The following DIAPH3 variants were observed in gnomAD, a reference collection of about 807,000 sequenced individuals.
The protein encoded by DIAPH3 is diaphanous related formin 3, also known as protein diaphanous homolog 3.
In DIAPH3, 117 loss-of-function variants were observed where a neutral mutation model predicts 144.3. The ratio of observed to expected loss-of-function variants is 0.81; its 90% CI spans 0.70 to 0.95. The LOEUF (loss-of-function observed/expected upper bound fraction) is 0.95. Among genes scored for constraint, DIAPH3 ranks in the 40% least tolerant of loss-of-function variants. The pLI is 0.00. For synonymous variants in DIAPH3, 519 were observed against 488.9 expected (o/e 1.06, Z -0.81); for missense variants, 1,421 against 1,412.7 (o/e 1.01, Z -0.09).
chr13:59,672,553 T>C (rs376886247), intron 27 of DIAPH3, among the ~76,000 whole-genome samples: 5 of 152,326 alleles, frequency 3.3e-5, no homozygotes, highest in African/African-American at 1.2e-4. Context: ...GAATCACTCA[T>C]AAATATAATT....
intron 19 of DIAPH3, among the ~76,000 whole-genome samples, chr13:59,914,154 T>C (rs1241951131): frequency 6.6e-6 from 1 of 152,072 alleles, no homozygotes; most frequent in Non-Finnish European, 1.5e-5. Context: ...CCTGTACATA[T>C]ATATGAATAA....
At chr13:59,775,050 C>T (rs185048465) in intron 25 of DIAPH3, among the ~76,000 whole-genome samples, 50 of 152,188 alleles carry the variant, frequency 3.3e-4, no homozygotes, top group African/African-American at 9.6e-4. Context: ...CTAAAGGGAC[C>T]GAGTTCCACG....
intron 17 of DIAPH3, among the ~76,000 whole-genome samples, chr13:59,939,253 A>G (rs907550862): frequency 3.1e-4 from 47 of 152,180 alleles, no homozygotes; most frequent in Admixed American, 7.9e-4. Flanking sequence ...TTATATAATG[A>G]TATAGATAAT....
At chr13:59,828,105 C>T (rs577654739) in intron 24 of DIAPH3, among the ~76,000 whole-genome samples, 4 of 152,024 alleles carry the variant, frequency 2.6e-5, no homozygotes, top group South Asian at 2.1e-4. Flanking sequence ...GATACGCCAC[C>T]GATTTACTCA....
intron 22 of DIAPH3, among the ~76,000 whole-genome samples, chr13:59,845,303 A>G (rs1357781048): frequency 6.6e-6 from 1 of 151,960 alleles, no homozygotes; most frequent in East Asian, 1.9e-4. Context: ...TGGACTCCCA[A>G]AGTGTTGGAA....
intron 17 of DIAPH3, among the ~76,000 whole-genome samples, chr13:59,949,720 T>C (rs1449736848): frequency 6.6e-6 from 1 of 152,018 alleles, no homozygotes; most frequent in Non-Finnish European, 1.5e-5. Flanking sequence ...TATAGAAAAA[T>C]GTGGCCAACT....
chr13:60,067,257 C>A (rs1339866721), intron 4 of DIAPH3, among the ~76,000 whole-genome samples: 4 of 151,878 alleles, frequency 2.6e-5, no homozygotes, highest in African/African-American at 9.7e-5. Context: ...TGCACTCCAG[C>A]CTGAGCGACA....
chr13:59,706,668 C>T (rs753843877), intron 27 of DIAPH3, among the ~76,000 whole-genome samples: 21 of 152,118 alleles, frequency 1.4e-4, no homozygotes, highest in Non-Finnish European at 3.1e-4. Flanking sequence ...ACATAAGCTA[C>T]CACTTTAAGA....
chr13:59,678,680 C>T (rs955116077), intron 27 of DIAPH3, among the ~76,000 whole-genome samples: 1 of 151,904 alleles, frequency 6.6e-6, no homozygotes, highest in Non-Finnish European at 1.5e-5. Context: ...TTCTATTTCA[C>T]ATTATTTTGT....
chr13:59,922,427 T>C (rs1444728004), intron 18 of DIAPH3, among the ~76,000 whole-genome samples: 1 of 152,080 alleles, frequency 6.6e-6, no homozygotes, highest in Non-Finnish European at 1.5e-5. Context: ...TTTTAGATTC[T>C]TTCTCCAAAG....
chr13:59,877,851 G>A (rs569758189), intron 21 of DIAPH3, among the ~76,000 whole-genome samples: 1 of 151,960 alleles, frequency 6.6e-6, no homozygotes, highest in African/African-American at 2.4e-5. Context: ...AACCCTTTTG[G>A]AAGCTGCTGA....
chr13:60,151,593 A>G (rs1951786489), intron 1 of DIAPH3, among the ~76,000 whole-genome samples: 2 of 152,236 alleles, frequency 1.3e-5, no homozygotes, highest in Admixed American at 6.5e-5. Context: ...TAAAGTTACA[A>G]GAGTACTTTG....
At chr13:59,807,862 TAAGAA>T (rs1445022881) in intron 25 of DIAPH3, among the ~76,000 whole-genome samples, 2 of 152,044 alleles carry the variant, frequency 1.3e-5, no homozygotes, top group Non-Finnish European at 2.9e-5. Flanking sequence ...TTTTTAAAAT[TAAGAA>T]AAGAAGGTAA....
At chr13:59,891,480 A>G (rs1466581401) in intron 20 of DIAPH3, among the ~76,000 whole-genome samples, 3 of 152,072 alleles carry the variant, frequency 2.0e-5, no homozygotes, top group Admixed American at 2.0e-4. Context: ...ATTCTATGAT[A>G]AAATAAAATG....
At chr13:59,934,550 G>T (rs767640003) in intron 17 of DIAPH3, among the ~76,000 whole-genome samples, 2 of 152,106 alleles carry the variant, frequency 1.3e-5, no homozygotes, top group Non-Finnish European at 2.9e-5. Flanking sequence ...TGAATTACTT[G>T]CATAATGGCT....
chr13:59,685,168 TAGAGTC>T (rs767658860), intron 27 of DIAPH3, among the ~76,000 whole-genome samples: 2 of 152,016 alleles, frequency 1.3e-5, no homozygotes, highest in Non-Finnish European at 2.9e-5. Flanking sequence ...GAGATTTTCT[TAGAGTC>T]AGAGAAATAT....
At chr13:59,936,646 G>T (rs1324431788) in intron 17 of DIAPH3, among the ~76,000 whole-genome samples, 1 of 152,134 alleles carries the variant, frequency 6.6e-6, no homozygotes, top group Non-Finnish European at 1.5e-5. Flanking sequence ...GAAAGTAAAA[G>T]ATATCAGGAA....
chr13:59,776,952 A>AC (rs1441177487), intron 25 of DIAPH3, among the ~76,000 whole-genome samples: 1 of 151,900 alleles, frequency 6.6e-6, no homozygotes, highest in African/African-American at 2.4e-5. Context: ...AAACAAACAA[A>AC]AAAACCCTTT....
chr13:59,816,902 T>C (rs1273213769), intron 24 of DIAPH3, among the ~76,000 whole-genome samples: 1 of 151,930 alleles, frequency 6.6e-6, no homozygotes, highest in African/African-American at 2.4e-5. Context: ...CCATTTTTAC[T>C]GCATCCAGCA....
Sources: allele counts gnomAD v4.1 joint callset (sites outside exome capture counted in the v4.1 genomes callset), GRCh38; gene constraint gnomAD v4.1.1; transcripts MANE v1.5; gene names NCBI Gene and HGNC (gene_info 2026-07-23, HGNC 2026-07-21).